XIRP2: variants seen among roughly 807,000 people sequenced by gnomAD.
XIRP2 encodes xin actin binding repeat containing 2.
A neutral mutation model predicts 277.0 loss-of-function variants in XIRP2; 236 were observed. That is an observed-to-expected ratio of 0.85 (90% confidence interval 0.77 to 0.95). XIRP2 has a LOEUF of 0.95. Ranked by LOEUF, XIRP2 falls within the 40% of genes least tolerant of loss-of-function variation. The pLI is 0.00. For synonymous variants in XIRP2, 1,490 were observed against 1,416.5 expected (o/e 1.05, Z -1.17); for missense variants, 4,640 against 4,157.5 (o/e 1.12, Z -3.19).
chr2:167,015,242 G>C (rs767263257), intron 2 of XIRP2, among the ~76,000 whole-genome samples: 1 of 151,660 alleles, frequency 6.6e-6, no homozygotes, highest in Non-Finnish European at 1.5e-5. Context: ...TAAAATATTT[G>C]TAGAAAATTT....
At chr2:167,181,745 T>A (rs903719262) in intron 3 of XIRP2, among the ~76,000 whole-genome samples, 26 of 152,282 alleles carry the variant, frequency 1.7e-4, no homozygotes, top group Admixed American at 5.9e-4. Context: ...GATGATCCTT[T>A]AAACACTGAC....
chr2:166,965,834 T>C (rs1256507886), intron 2 of XIRP2, among the ~76,000 whole-genome samples: 1 of 151,830 alleles, frequency 6.6e-6, no homozygotes, highest in Non-Finnish European at 1.5e-5. Flanking sequence ...CCACCCACCT[T>C]GCTGGCCTCC....
chr2:167,250,823 C>T lies in XIRP2; in HGVS notation c.9431C>T (p.Ser3144Phe). 1 of 1,613,492 alleles carries T rather than the reference C, an allele frequency of 6.2e-7. No homozygotes were observed. The highest frequency in any genetic ancestry group is 8.5e-7 in the Non-Finnish European group (1 of 1,179,690). ...ENPTKNELSQ[S>F]PKKDSYVEPP... Reference sequence around the variant, plus strand: ...CCTACTAAGAACGAGCTTTCTCAGTCCCCTAAAAAGGACAGTTATGTTGAA... The same window carrying T: ...CCTACTAAGAACGAGCTTTCTCAGTTCCCTAAAAAGGACAGTTATGTTGAA... The change falls in exon 9 of 11, where the codon TCC becomes TTC. Residue 3144 changes from serine (S) to phenylalanine (F), a missense_variant. Transcript: ENST00000409195.
At chr2:167,254,531 G>A (rs1325693224) in intron 10 of XIRP2, among the ~76,000 whole-genome samples, 2 of 151,788 alleles carry the variant, frequency 1.3e-5, no homozygotes, top group African/African-American at 4.8e-5. Context: ...AGTAATTTTG[G>A]CTTTGCAGGC....
At chr2:166,902,030 G>A (rs1001095722) in intron 1 of XIRP2, among the ~76,000 whole-genome samples, 1 of 152,034 alleles carries the variant, frequency 6.6e-6, no homozygotes, top group Non-Finnish European at 1.5e-5. Context: ...AGTTTTATAC[G>A]CATCATCAAA....
chr2:166,921,779 A>G (rs910936654), intron 2 of XIRP2, among the ~76,000 whole-genome samples: 5 of 152,094 alleles, frequency 3.3e-5, no homozygotes, highest in African/African-American at 9.7e-5. Flanking sequence ...CTGGGCTTCA[A>G]GGTCACCTAA....
At position 167,248,712 on chromosome 2, in the gene XIRP2, T is replaced by G. The variant is rs1454539694; in HGVS notation, c.7320T>G (p.Phe2440Leu). ...ATATAAAAGATAATAAGAACGATTT[T>G]TCCCCCAAAGTTGAACTGGCAACCT... is the stretch of plus-strand genomic sequence containing the variant. ...PKHIKDNKND[F>L]SPKVELATSL... Residue 2440 changes from phenylalanine to leucine, a missense_variant, in exon 9 of 11, where the codon TTT (phenylalanine) becomes TTG (leucine). Transcript: ENST00000409195. 1 of 1,613,746 alleles carries G rather than the reference T, an allele frequency of 6.2e-7. No individual in the cohort carries two copies. Among genetic ancestry groups the G allele is most frequent in the Admixed American group, 1.7e-5 (1 of 59,970 alleles).
At chr2:167,047,041 C>A (rs187467385) in intron 2 of XIRP2, among the ~76,000 whole-genome samples, 282 of 151,752 alleles carry the variant, frequency 1.9e-3, no homozygotes, top group African/African-American at 6.6e-3. Flanking sequence ...TCTAAGATTA[C>A]AAACAAAATA....
intron 2 of XIRP2, among the ~76,000 whole-genome samples, chr2:167,037,474 T>G (rs1688538872): frequency 6.6e-6 from 1 of 151,862 alleles, no homozygotes; most frequent in African/African-American, 2.4e-5. Flanking sequence ...TTTGCTGCAT[T>G]TCATATTGAG....
At chr2:167,207,866 A>T (rs551033718) in intron 3 of XIRP2, among the ~76,000 whole-genome samples, 1 of 152,306 alleles carries the variant, frequency 6.6e-6, no homozygotes, top group South Asian at 2.1e-4. Context: ...AGCCATGATA[A>T]TAGATTGTAT....
chr2:166,946,508 G>A (rs1353151039), intron 2 of XIRP2, among the ~76,000 whole-genome samples: 1 of 152,062 alleles, frequency 6.6e-6, no homozygotes, highest in Non-Finnish European at 1.5e-5. Context: ...CTGCTTCTTA[G>A]CAGGGTTATA....
Position 167,258,291 on chromosome 2 carries a change from AAGATGTTAGAACTC to A in XIRP2, c.*475_*488del, listed in dbSNP as rs1489197198. On this transcript the variant is annotated 3_prime_UTR_variant, in exon 11 of 11. Transcript: ENST00000409195. Reference sequence around the variant, plus strand: ...GAATTTAAAAGTGAATCTCTGCTAGAAGATGTTAGAACTCCAGAAAATAAAGGACAAAGACAAGA... The same window carrying A: ...GAATTTAAAAGTGAATCTCTGCTAGACAGAAAATAAAGGACAAAGACAAGA... 3 of 1,613,456 alleles carry A rather than the reference AAGATGTTAGAACTC, an allele frequency of 1.9e-6. No homozygotes were observed. In the South Asian group the frequency reaches 3.3e-5, roughly 18 times the overall value.
At chr2:167,051,314 T>C (rs942303258) in intron 2 of XIRP2, among the ~76,000 whole-genome samples, 1 of 152,116 alleles carries the variant, frequency 6.6e-6, no homozygotes, top group African/African-American at 2.4e-5. Flanking sequence ...CTCTAACTCA[T>C]GGTAAATTCT....
rs1387356398 is a variant in XIRP2 at position 166,893,174 on chromosome 2, T to C, written c.-19+4617T>C. ...AAGTGAGAATATTGGAATTTGATGA[T>C]ATAAATATTAGAGTAACTGGTGGGA... is the stretch of plus-strand genomic sequence containing the variant. On this transcript the variant is annotated intron_variant, in intron 1 of 10. Transcript: ENST00000409195. 5.3e-5 allele frequency among the ~76,000 whole-genome samples: 8 copies of C among 152,070 alleles called. No homozygotes were observed. The East Asian group carries it at 7.8e-4, about 15-fold the overall frequency.
At chr2:167,150,532 A>G (rs966830598) in intron 3 of XIRP2, among the ~76,000 whole-genome samples, 3 of 152,092 alleles carry the variant, frequency 2.0e-5, no homozygotes, top group Admixed American at 6.6e-5. Context: ...GACTGAATAA[A>G]TCATGATTCA....
intron 3 of XIRP2, among the ~76,000 whole-genome samples, chr2:167,193,747 G>A (rs1468423055): frequency 6.6e-6 from 1 of 151,772 alleles, no homozygotes; most frequent in Non-Finnish European, 1.5e-5. Flanking sequence ...GTGTGGTGGT[G>A]CGTGCCTGTA....
chr2:167,014,891 C>A (rs1687778746), intron 2 of XIRP2, among the ~76,000 whole-genome samples: 1 of 151,660 alleles, frequency 6.6e-6, no homozygotes, highest in Non-Finnish European at 1.5e-5. Flanking sequence ...ATTTGTGTAT[C>A]CCTCTAAACC....
intron 5 of XIRP2, among the ~76,000 whole-genome samples, chr2:167,237,376 G>A (rs973601064): frequency 2.6e-5 from 4 of 151,750 alleles, no homozygotes; most frequent in Non-Finnish European, 5.9e-5. Context: ...TACTCTTTCA[G>A]ATTGGTGGCA....
At chr2:167,030,147 A>G (rs1484814057) in intron 2 of XIRP2, among the ~76,000 whole-genome samples, 1 of 151,710 alleles carries the variant, frequency 6.6e-6, no homozygotes, top group Non-Finnish European at 1.5e-5. Context: ...TATTTTGTTA[A>G]TTTTTCAAAA....
Sources: gnomAD v4.1 joint callset for allele counts (sites outside exome capture counted in the v4.1 genomes callset) on GRCh38, gnomAD v4.1.1 for gene constraint, MANE v1.5 for transcripts, NCBI Gene and HGNC (gene_info 2026-07-23, HGNC 2026-07-21) for gene names.